SPAM1: variants seen among roughly 807,000 people sequenced by gnomAD.
SPAM1 encodes the protein hyaluronidase PH-20.
In SPAM1, 22 loss-of-function variants were observed where a neutral mutation model predicts 29.6. That is an observed-to-expected ratio of 0.74 (90% confidence interval 0.53 to 1.06). The LOEUF is 1.06. Among genes scored for constraint, SPAM1 ranks in the 50% least tolerant of loss-of-function variants. SPAM1 has a pLI of 0.00. For missense variants in SPAM1, 534 were observed against 604.0 expected, an observed-to-expected ratio of 0.88 and a Z score of 1.21; for synonymous variants, 194 against 204.6, an observed-to-expected ratio of 0.95 and a Z score of 0.44.
At chr7:123,933,031 T>A (rs1432163769) in intron 1 of SPAM1, among the ~76,000 whole-genome samples, 1 of 152,058 alleles carries the variant, frequency 6.6e-6, no homozygotes, top group Non-Finnish European at 1.5e-5. Flanking sequence ...AGCAAACAAT[T>A]TTTAAAATAT....
At chr7:123,952,932 GAA>G (rs1421508868) in intron 2 of SPAM1, among the ~76,000 whole-genome samples, 4 of 149,560 alleles carry the variant, frequency 2.7e-5, no homozygotes, top group African/African-American at 9.8e-5. Context: ...AAAAAAGAAA[GAA>G]AGAGAAAAAT....
chr7:123,947,795 TG>T (rs1808632596), intron 1 of SPAM1: 1 of 152,162 alleles, frequency 6.6e-6, no homozygotes, highest in South Asian at 2.1e-4. Context: ...AAAAGTAAGT[TG>T]CCTTTGTTCT....
chr7:123,970,589 T>C (rs1792484768), intron 6 of SPAM1, among the ~76,000 whole-genome samples: 1 of 144,006 alleles, frequency 6.9e-6, no homozygotes, highest in Non-Finnish European at 1.5e-5. Flanking sequence ...ATCCCATCTC[T>C]ACAAATAATA....
intron 5 of SPAM1, among the ~76,000 whole-genome samples, chr7:123,969,375 T>C (rs754056415): frequency 5.1e-4 from 77 of 152,074 alleles, no homozygotes; most frequent in Non-Finnish European, 3.4e-4. Flanking sequence ...GCCAATGTAG[T>C]GAAGCATTTC....
intron 1 of SPAM1, among the ~76,000 whole-genome samples, chr7:123,942,375 TA>T (rs1365759036): frequency 6.6e-6 from 1 of 152,214 alleles, no homozygotes; most frequent in Non-Finnish European, 1.5e-5. Context: ...ACCTTTTTTC[TA>T]AACTGTAGCT....
intron 1 of SPAM1, among the ~76,000 whole-genome samples, chr7:123,929,894 G>GCTTTTTTTTT (rs1808013640): frequency 8.0e-6 from 1 of 124,708 alleles, no homozygotes; most frequent in Non-Finnish European, 1.8e-5. Context: ...GGTGTTTAGG[G>GCTTTTTTTTT]ATTTTTTTTT....
At chr7:123,935,741 T>TA (rs1808227798) in intron 1 of SPAM1, among the ~76,000 whole-genome samples, 1 of 152,164 alleles carries the variant, frequency 6.6e-6, no homozygotes, top group Non-Finnish European at 1.5e-5. Flanking sequence ...ATTCCACAGT[T>TA]AAAAAATACA....
chr7:123,943,050 C>T (rs545310542), intron 1 of SPAM1, among the ~76,000 whole-genome samples: 1 of 152,116 alleles, frequency 6.6e-6, no homozygotes, highest in Non-Finnish European at 1.5e-5. Flanking sequence ...GTATACTTTA[C>T]TCAATTATTA....
Position 123,959,568 on chromosome 7 carries a change from A to G in SPAM1, c.1129A>G (p.Ser377Gly), listed in dbSNP as rs1432603215. Residue 377 changes from serine to glycine, a missense_variant, in exon 5 of 5, where the codon AGC becomes GGC. Coordinates refer to ENST00000682466, the MANE Select transcript of SPAM1 (RefSeq NM_153189.3). The stretch of plus-strand genomic sequence containing the variant: ...CGTCACACTAGCAGCCAAAATGTGT[A>G]GCCAAGTGCTTTGCCAGGAGCAAGG... ...INVTLAAKMC[S>G]QVLCQEQGVC... is the part of the protein sequence containing the mutation. 2 of 1,613,192 alleles carry G rather than the reference A, an allele frequency of 1.2e-6. No individual in the cohort carries two copies. The highest frequency in any genetic ancestry group is 4.5e-5 in the East Asian group (2 of 44,830).
intron 1 of SPAM1, among the ~76,000 whole-genome samples, chr7:123,939,230 C>T (rs997075636): frequency 6.6e-5 from 10 of 152,040 alleles, no homozygotes; most frequent in Non-Finnish European, 1.3e-4. Flanking sequence ...GGACTACAGG[C>T]GCCCGCCATC....
intron 1 of SPAM1, among the ~76,000 whole-genome samples, chr7:123,927,481 A>G (rs1396109942): frequency 2.6e-5 from 4 of 152,182 alleles, no homozygotes; most frequent in Non-Finnish European, 5.9e-5. Context: ...GACAATAGCT[A>G]GCTGTCCCTA....
chr7:123,943,936 CTTG>C (rs1808499746), intron 1 of SPAM1, among the ~76,000 whole-genome samples: 2 of 152,100 alleles, frequency 1.3e-5, no homozygotes, highest in African/African-American at 4.8e-5. Flanking sequence ...CTTTAATTAT[CTTG>C]ACCATAAGAT....
chr7:123,937,462 A>T (rs189362938), intron 1 of SPAM1, among the ~76,000 whole-genome samples: 2 of 151,886 alleles, frequency 1.3e-5, no homozygotes, highest in Non-Finnish European at 2.9e-5. Flanking sequence ...TTAGCCGGGC[A>T]TGGTGGCGGG....
At chr7:123,963,330 T>G (rs1472709958), downstream of SPAM1, among the ~76,000 whole-genome samples, 1 of 145,454 alleles carries the variant, frequency 6.9e-6, no homozygotes, top group Non-Finnish European at 1.5e-5. Context: ...TTTTCATAGT[T>G]TATTATGGGT....
At chr7:123,962,884 G>A (rs1231626322), downstream of SPAM1, among the ~76,000 whole-genome samples, 1 of 151,636 alleles carries the variant, frequency 6.6e-6, no homozygotes, top group East Asian at 1.9e-4. Flanking sequence ...GGGCTCTGGT[G>A]CCATAATTTT....
At chr7:123,946,009 C>A (rs1007475861) in intron 1 of SPAM1, among the ~76,000 whole-genome samples, 1 of 152,020 alleles carries the variant, frequency 6.6e-6, no homozygotes, top group African/African-American at 2.4e-5. Context: ...GAATTAAGAC[C>A]AGCTGACTGT....
chr7:123,927,596 A>G (rs1247629249), intron 1 of SPAM1, among the ~76,000 whole-genome samples: 1 of 152,184 alleles, frequency 6.6e-6, no homozygotes, highest in African/African-American at 2.4e-5. Flanking sequence ...TGTTCTTAGC[A>G]GGTAACAGTC....
At chr7:123,960,171 G>T, downstream of SPAM1, 2 of 649,122 alleles carry the variant, frequency 3.1e-6, no homozygotes, top group Non-Finnish European at 4.8e-6. Flanking sequence ...TGAGTTCAGG[G>T]ATTTGTATTC....
At chr7:123,937,415 CA>C (rs1808281598) in intron 1 of SPAM1, among the ~76,000 whole-genome samples, 5 of 151,892 alleles carry the variant, frequency 3.3e-5, no homozygotes, top group Admixed American at 3.3e-4. Context: ...TCCTGGATAA[CA>C]TGGTGAAATC....
Sources: gnomAD v4.1 joint callset for allele counts (sites outside exome capture counted in the v4.1 genomes callset) on GRCh38, gnomAD v4.1.1 for gene constraint, MANE v1.5 for transcripts, NCBI Gene and HGNC (gene_info 2026-07-23, HGNC 2026-07-21) for gene names.